GPR155: variants seen among roughly 807,000 people sequenced by gnomAD.
GPR155 encodes the protein lysosomal cholesterol signaling protein.
In GPR155, 65 loss-of-function variants were observed where a neutral mutation model predicts 93.1. The ratio of observed to expected loss-of-function variants is 0.70; its 90% CI spans 0.57 to 0.86. The LOEUF is 0.86. Among genes scored for constraint, GPR155 ranks in the 40% least tolerant of loss-of-function variants. GPR155 has a pLI of 0.00. For missense variants in GPR155, 838 were observed against 1,034.8 expected (o/e 0.81, Z 2.61); for synonymous variants, 319 against 360.1 (o/e 0.89, Z 1.29).
chr2:174,458,122 T>C (rs1223602641), intron 10 of GPR155, among the ~76,000 whole-genome samples: 1 of 152,112 alleles, frequency 6.6e-6, no homozygotes. Flanking sequence ...GGAGGCAGGT[T>C]TTTAGTTGCT....
At chr2:174,454,131 GT>G (rs1383023480) in intron 10 of GPR155, among the ~76,000 whole-genome samples, 1 of 151,932 alleles carries the variant, frequency 6.6e-6, no homozygotes, top group Non-Finnish European at 1.5e-5. Context: ...ATTTTGTTTT[GT>G]TTTGTTCTGT....
chr2:174,485,901 C>T (rs1000857327), intron 1 of GPR155, among the ~76,000 whole-genome samples: 2 of 152,156 alleles, frequency 1.3e-5, no homozygotes, highest in African/African-American at 4.8e-5. Flanking sequence ...CTCGCTGAGG[C>T]ACGAACTGAA....
intron 15 of GPR155, among the ~76,000 whole-genome samples, chr2:174,439,059 A>T (rs576506007): frequency 3.3e-5 from 5 of 152,290 alleles, no homozygotes; most frequent in Admixed American, 6.5e-5. Flanking sequence ...TCAGGAGCTG[A>T]GTTCTAGTAT....
intron 10 of GPR155, among the ~76,000 whole-genome samples, chr2:174,454,389 G>A (rs1046936812): frequency 2.6e-5 from 4 of 152,090 alleles, no homozygotes; most frequent in African/African-American, 4.8e-5. Context: ...TGCCCGCCTC[G>A]GCCTCCCAAA....
intron 13 of GPR155, among the ~76,000 whole-genome samples, chr2:174,443,380 T>TG (rs1256683571): frequency 6.6e-6 from 1 of 152,202 alleles, no homozygotes; most frequent in East Asian, 1.9e-4. Context: ...TTCAAATGTG[T>TG]GGGGTTTTTT....
At chr2:174,452,732 G>T (rs987444981) in intron 11 of GPR155, among the ~76,000 whole-genome samples, 4 of 151,844 alleles carry the variant, frequency 2.6e-5, no homozygotes, top group African/African-American at 9.7e-5. Flanking sequence ...TGCAACCTCC[G>T]CCTCCTGTGT....
intron 1 of GPR155, among the ~76,000 whole-genome samples, chr2:174,485,046 G>C (rs1454503846): frequency 6.6e-6 from 1 of 152,168 alleles, no homozygotes; most frequent in Non-Finnish European, 1.5e-5. Flanking sequence ...TGATAAAAAA[G>C]TAAACATGTT....
intron 7 of GPR155, 136 bp from the exon 8 acceptor site, chr2:174,461,808 T>G: frequency 1.7e-6 from 1 of 595,996 alleles, no homozygotes; most frequent in Non-Finnish European, 3.0e-6. Flanking sequence ...ATTTCTTCCT[T>G]CTAAATAAAT....
chr2:174,446,650 A>G lies in GPR155; in HGVS notation c.1974T>C (p.His658=), dbSNP rs1473806958. The change falls in exon 12 of 16, where the codon CAT becomes CAC. Residue 658 remains histidine (H), a synonymous_variant. Transcript: ENST00000392552. ...LQSGDQQLTR[H]VLLCLLLIIG... Reference sequence around the variant, plus strand: ...TGATGAGAAGTAAACACAGCAACACATGTCGGGTCAGTTGCTGGTCTCCAC... The same window carrying G: ...TGATGAGAAGTAAACACAGCAACACGTGTCGGGTCAGTTGCTGGTCTCCAC... 1.2e-6 allele frequency: 2 copies of G among 1,614,058 alleles called. No individual in the cohort carries two copies. The highest frequency in any genetic ancestry group is 1.7e-5 in the Admixed American group (1 of 60,020).
At chr2:174,462,297 T>C (rs527340016) in intron 7 of GPR155, among the ~76,000 whole-genome samples, 1 of 152,066 alleles carries the variant, frequency 6.6e-6, no homozygotes, top group Non-Finnish European at 1.5e-5. Flanking sequence ...GTTTGGAATC[T>C]AAGTATAACT....
chr2:174,453,685 A>G (rs1687397637), intron 11 of GPR155, 52 bp downstream of exon 11: 2 of 805,490 alleles, frequency 2.5e-6, no homozygotes, highest in Non-Finnish European at 4.2e-6. Context: ...AAAAAAAAGA[A>G]TAAGGAATCT....
At chr2:174,440,691 C>T (rs574497737) in intron 14 of GPR155, among the ~76,000 whole-genome samples, 148 of 152,302 alleles carry the variant, frequency 9.7e-4, no homozygotes, top group Middle Eastern at 3.4e-3. Context: ...TGGTGGGATA[C>T]ATTTCTTTAG....
rs891876457 is a variant in GPR155 at position 174,434,182 on chromosome 2, G to A, written c.*1934C>T. 2 of 149,628 alleles carry A rather than the reference G, an allele frequency of 1.3e-5. No individual in the cohort carries two copies. The highest frequency in any genetic ancestry group is 6.7e-5 in the Admixed American group (1 of 14,950). The allele number at this position is 149,628 out of a possible 1,614,324, so 9.3% of individuals were successfully genotyped here. A position where few individuals can be genotyped will look rare whatever the true frequency, so the allele number is the denominator to read the frequency against. On this transcript the variant is annotated 3_prime_UTR_variant, in exon 16 of 16. Transcript: ENST00000392552. ...GATGGGGTTTCACCACATTGGCCAG[G>A]CTGGTCTCGAACTCCTGGGCTGAAG... is the stretch of plus-strand genomic sequence containing the variant.
intron 12 of GPR155, among the ~76,000 whole-genome samples, chr2:174,446,185 T>G (rs1223397798): frequency 6.6e-6 from 1 of 151,626 alleles, no homozygotes; most frequent in Non-Finnish European, 1.5e-5. Flanking sequence ...CATGCGCCTG[T>G]AATCCCAACT....
In GPR155 at chr2:174,433,331, C is replaced by G. The variant is rs1686689661; in HGVS notation, c.*2785G>C. On this transcript the variant is annotated 3_prime_UTR_variant, in exon 16 of 16. Transcript: ENST00000392552. Reference sequence around the variant, plus strand: ...TAAATGTCTGTGTCCTCCTAGAATTCTTATGTTGAAACCTAATCCTCAATC... The same window carrying G: ...TAAATGTCTGTGTCCTCCTAGAATTGTTATGTTGAAACCTAATCCTCAATC... The G allele has an allele frequency of 6.6e-6, 1 of 152,124 alleles. No individual in the cohort carries two copies. The highest frequency in any genetic ancestry group is 2.1e-4 in the South Asian group (1 of 4,828). The allele number at this position is 152,124 out of a possible 1,614,324, so 9.4% of individuals were successfully genotyped here.
At position 174,453,877 on chromosome 2, in the gene GPR155, AACC is replaced by A. The variant is rs777543281; in HGVS notation, c.1772-39_1772-37del. ...CAAATAGTATGTGAGAGTAGAGCCC[AACC>A]ACAACAGAAATGGACAATTTTAAGA... On this transcript the variant is annotated intron_variant, in intron 10 of 15. Transcript: ENST00000392552. 5.1e-6 allele frequency: 7 copies of A among 1,362,420 alleles called. No homozygotes were observed. In the East Asian group the frequency reaches 1.4e-4, roughly 27 times the overall value. 84.4% of individuals were successfully genotyped at this position (1,362,420 alleles called of 1,614,324 possible).
At chr2:174,441,327 C>T (rs374825613) in intron 14 of GPR155, among the ~76,000 whole-genome samples, 11 of 151,680 alleles carry the variant, frequency 7.3e-5, no homozygotes, top group African/African-American at 2.2e-4. Context: ...ATTAAAAATA[C>T]GTCCTAGTAA....
At chr2:174,439,400 G>T (rs1686887306) in intron 15 of GPR155, among the ~76,000 whole-genome samples, 1 of 152,112 alleles carries the variant, frequency 6.6e-6, no homozygotes, top group South Asian at 2.1e-4. Context: ...ATACCTTAAG[G>T]ATTAGTATAA....
At chr2:174,461,970 C>CTGT (rs1420528901) in intron 7 of GPR155, among the ~76,000 whole-genome samples, 4 of 152,164 alleles carry the variant, frequency 2.6e-5, no homozygotes, top group African/African-American at 9.7e-5. Flanking sequence ...GGGTCTCACT[C>CTGT]TGTTGCCCAG....
Sources: allele counts gnomAD v4.1 joint callset (sites outside exome capture counted in the v4.1 genomes callset), GRCh38; gene constraint gnomAD v4.1.1; transcripts MANE v1.5; gene names NCBI Gene and HGNC (gene_info 2026-07-23, HGNC 2026-07-21).